The following DEPDC1B variants were observed in gnomAD, a reference collection of about 807,000 sequenced individuals.
DEPDC1B encodes the protein DEP domain containing 1B, also known as DEP domain-containing protein 1B.
In DEPDC1B, 51 loss-of-function variants were observed where a neutral mutation model predicts 66.5. That is an observed-to-expected ratio of 0.77 (90% CI 0.61 to 0.97). The LOEUF (loss-of-function observed/expected upper bound fraction) is 0.97, where lower values mean the gene tolerates loss of function less well. Among genes scored for constraint, DEPDC1B ranks in the 50% least tolerant of loss-of-function variants. DEPDC1B has a pLI of 0.00. For synonymous variants in DEPDC1B, 226 were observed against 223.6 expected (o/e 1.01, Z -0.10); for missense variants, 552 against 637.1 (o/e 0.87, Z 1.44).
chr5:60,619,615 A>G (rs1752653590), intron 7 of DEPDC1B, among the ~76,000 whole-genome samples: 1 of 152,224 alleles, frequency 6.6e-6, no homozygotes, highest in African/African-American at 2.4e-5. Context: ...GAGAACTACA[A>G]ACCACTGCTC....
chr5:60,616,195 A>C (rs562894027), intron 7 of DEPDC1B, among the ~76,000 whole-genome samples: 294 of 152,332 alleles, frequency 1.9e-3, no homozygotes, highest in African/African-American at 6.8e-3. Flanking sequence ...ATGGGGGAAA[A>C]ACAGAGCAGA....
intron 2 of DEPDC1B, among the ~76,000 whole-genome samples, chr5:60,661,910 G>T (rs1311352137): frequency 6.6e-6 from 1 of 152,002 alleles, no homozygotes; most frequent in African/African-American, 2.4e-5. Flanking sequence ...TAAAAAACTA[G>T]GAAAAAGCCT....
In DEPDC1B at chr5:60,599,197, TAATTTGACGGCAA is replaced by T; in HGVS notation, c.1293_1305del (p.Phe431LeufsTer26). ...CTTTGATATTCAAATTCCTCTGGAC[TAATTTGACGGCAA>T]AATGATGGAGCAGATAAAGTGATAT... On this transcript the variant is annotated frameshift_variant, in exon 10 of 11. Transcript: ENST00000265036. LOFTEE classifies it high-confidence loss of function. The T allele has an allele frequency of 6.2e-7, 1 of 1,612,462 alleles. No homozygotes were observed. The highest frequency in any genetic ancestry group is 8.5e-7 in the Non-Finnish European group (1 of 1,179,456).
intron 7 of DEPDC1B, among the ~76,000 whole-genome samples, chr5:60,629,588 T>A (rs1257864774): frequency 6.6e-6 from 1 of 152,224 alleles, no homozygotes; most frequent in Non-Finnish European, 1.5e-5. Context: ...TGAGTTTTAA[T>A]GTACATTTTC....
chr5:60,683,273 T>A (rs1224018603), intron 2 of DEPDC1B, among the ~76,000 whole-genome samples: 1 of 151,912 alleles, frequency 6.6e-6, no homozygotes, highest in Non-Finnish European at 1.5e-5. Context: ...CTACAAAATT[T>A]TTTAAAAAAA....
chr5:60,625,043 G>A (rs1752782273), intron 7 of DEPDC1B, among the ~76,000 whole-genome samples: 1 of 152,020 alleles, frequency 6.6e-6, no homozygotes, highest in Admixed American at 6.5e-5. Flanking sequence ...ATGGTTTCCA[G>A]CTTCATCCAT....
intron 7 of DEPDC1B, chr5:60,630,507 C>T (rs917167054): frequency 1.3e-5 from 2 of 152,130 alleles, no homozygotes; most frequent in African/African-American, 4.8e-5. Context: ...CTGTGCAGGC[C>T]CTGAAAAGCA....
At chr5:60,637,765 G>A (rs184932282) in intron 7 of DEPDC1B, among the ~76,000 whole-genome samples, 1 of 152,166 alleles carries the variant, frequency 6.6e-6, no homozygotes, top group Admixed American at 6.5e-5. Flanking sequence ...GGAAAACACT[G>A]ACTCTTATTT....
At chr5:60,605,921 T>C (rs1304294996) in intron 7 of DEPDC1B, 65 bp from the exon 8 acceptor site, 14 of 1,363,174 alleles carry the variant, frequency 1.0e-5, no homozygotes, top group Non-Finnish European at 1.4e-5. Context: ...TATATGGTTG[T>C]ATTTTAACAA....
intron 2 of DEPDC1B, among the ~76,000 whole-genome samples, chr5:60,680,136 T>G (rs919096197): frequency 6.6e-6 from 1 of 152,192 alleles, no homozygotes; most frequent in Non-Finnish European, 1.5e-5. Flanking sequence ...CCTCATCCAT[T>G]AGAAGTTTAG....
intron 1 of DEPDC1B, among the ~76,000 whole-genome samples, chr5:60,689,896 G>T (rs1328527474): frequency 2.6e-5 from 4 of 152,020 alleles, no homozygotes; most frequent in Non-Finnish European, 5.9e-5. Flanking sequence ...TTAAAAATTG[G>T]CCAGGTGTAG....
intron 1 of DEPDC1B, among the ~76,000 whole-genome samples, chr5:60,696,420 C>A (rs370991749): frequency 6.6e-6 from 1 of 152,148 alleles, no homozygotes; most frequent in African/African-American, 2.4e-5. Context: ...ATATGAAATA[C>A]TTTAGATTTT....
chr5:60,597,763 A>G lies in DEPDC1B; in HGVS notation c.1580T>C (p.Phe527Ser). 4 of 1,612,390 alleles carry G rather than the reference A, an allele frequency of 2.5e-6. No individual in the cohort carries two copies. Among genetic ancestry groups the G allele is most frequent in the Non-Finnish European group, 3.4e-6 (4 of 1,179,386 alleles). The change falls in exon 11 of 11, where the codon TTT (phenylalanine) becomes TCT (serine). Residue 527 changes from phenylalanine to serine, a missense_variant. Transcript: ENST00000265036. Reference sequence around the variant, plus strand: ...GCTGTGGAAGTATTATTACATTCGAAAACTTCTAGTTCTTTGAAATGGTTG... The same window carrying G: ...GCTGTGGAAGTATTATTACATTCGAGAACTTCTAGTTCTTTGAAATGGTTG... Reference protein sequence around the residue: ...PFQPFQRTRSFRM With the variant: ...PFQPFQRTRSSRM
Position 60,662,919 on chromosome 5 carries a change from G to A in DEPDC1B, c.315-15386C>T, listed in dbSNP as rs150968342. Among the ~76,000 whole-genome samples, 841 of 152,172 alleles carry A rather than the reference G, an allele frequency of 5.5e-3. 7 individuals carry two copies. Among genetic ancestry groups the A allele is most frequent in the African/African-American group, 0.019 (792 of 41,514 alleles). On this transcript the variant is annotated intron_variant, in intron 2 of 10. Coordinates refer to ENST00000265036, the MANE Select transcript of DEPDC1B (RefSeq NM_018369.3). ...CTTCTCAGTCTTACTCTCCTGTCCC[G>A]GCCAACTGTCCTCCAGATCTGTCAC...
At chr5:60,616,909 G>C (rs573970854) in intron 7 of DEPDC1B, among the ~76,000 whole-genome samples, 2 of 152,312 alleles carry the variant, frequency 1.3e-5, no homozygotes, top group African/African-American at 4.8e-5. Context: ...TACCCACAAA[G>C]GGAAGCCCAT....
At chr5:60,660,133 T>A (rs1006721851) in intron 2 of DEPDC1B, among the ~76,000 whole-genome samples, 2 of 151,376 alleles carry the variant, frequency 1.3e-5, no homozygotes, top group African/African-American at 2.4e-5. Flanking sequence ...AAAATCCATC[T>A]ACAAGGAGAT....
At chr5:60,611,927 G>A (rs926722106) in intron 7 of DEPDC1B, among the ~76,000 whole-genome samples, 5 of 152,212 alleles carry the variant, frequency 3.3e-5, no homozygotes, top group Middle Eastern at 3.2e-3. Flanking sequence ...TTAAACAACA[G>A]ATTTCCAATG....
intron 2 of DEPDC1B, among the ~76,000 whole-genome samples, chr5:60,659,903 T>C (rs1290205386): frequency 3.9e-5 from 6 of 152,144 alleles, no homozygotes; most frequent in Non-Finnish European, 8.8e-5. Context: ...GTCCCTCCAA[T>C]TTAGGTATAC....
intron 2 of DEPDC1B, among the ~76,000 whole-genome samples, chr5:60,664,359 G>A (rs767122288): frequency 8.5e-5 from 13 of 152,328 alleles, no homozygotes; most frequent in Middle Eastern, 6.8e-3. Context: ...TACAGGGAAA[G>A]AGATCTTACT....
Sources: gnomAD v4.1 joint callset for allele counts (sites outside exome capture counted in the v4.1 genomes callset) on GRCh38, gnomAD v4.1.1 for gene constraint, MANE v1.5 for transcripts, NCBI Gene and HGNC (gene_info 2026-07-23, HGNC 2026-07-21) for gene names.